ENTPD4: variants seen among roughly 807,000 people sequenced by gnomAD.
ENTPD4 encodes the protein ectonucleoside triphosphate diphosphohydrolase 4.
Under a neutral mutation model 79.1 loss-of-function variants are expected in ENTPD4, and 60 were observed. The observed-to-expected ratio is 0.76, with a 90% CI of 0.62 to 0.94. The LOEUF (loss-of-function observed/expected upper bound fraction) is 0.94. ENTPD4 is among the 40% of genes least tolerant of loss of function. ENTPD4 has a pLI of 0.00. For missense variants in ENTPD4, 772 were observed against 775.1 expected (o/e 1.00, Z 0.05); for synonymous variants, 276 against 292.0 (o/e 0.95, Z 0.56).
chr8:23,437,067 T>A lies in ENTPD4; in HGVS notation c.1241A>T (p.Asn414Ile). 6.2e-7 allele frequency: 1 copy of A among 1,614,146 alleles called. No individual in the cohort carries two copies. Reference protein sequence around the residue: ...NKTNETQTSLNGVYQPPIHFQ... With the variant: ...NKTNETQTSLIGVYQPPIHFQ... Reference sequence around the variant, plus strand: ...GTGAATTGGGGGCTGGTAGACCCCATTGAGGGAAGTCTGGGTCTCGTTTGT... The same window carrying A: ...GTGAATTGGGGGCTGGTAGACCCCAATGAGGGAAGTCTGGGTCTCGTTTGT... The change falls in exon 10 of 13, where the codon AAT becomes ATT. Residue 414 changes from asparagine (N) to isoleucine (I), a missense_variant. Transcript: ENST00000358689.
At chr8:23,442,136 G>T in intron 6 of ENTPD4, 70 bp from the exon 7 acceptor site, 1 of 1,098,296 alleles carries the variant, frequency 9.1e-7, no homozygotes, top group Non-Finnish European at 1.4e-6. Flanking sequence ...TATCTGCGCA[G>T]TCTGTGCAAA....
rs1800438755 is a variant in ENTPD4 at position 23,430,717 on chromosome 8, G to T, written c.*2209C>A. On this transcript the variant is annotated 3_prime_UTR_variant, in exon 13 of 13. Transcript: ENST00000358689. ...ACTCTTCTATGCCCAGAGCTGGAAG[G>T]CGGGGTCCCCTAACTCCCTGGGTGC... 3 of 985,348 alleles carry T rather than the reference G, an allele frequency of 3.0e-6. No homozygotes were observed. The highest frequency in any genetic ancestry group is 3.5e-5 in the African/African-American group (2 of 57,216). The allele number at this position is 985,348 out of a possible 1,614,324, so 61.0% of individuals were successfully genotyped here. A position where few individuals can be genotyped will look rare whatever the true frequency, so the allele number is the denominator to read the frequency against.
chr8:23,446,975 G>C (rs371686432), intron 4 of ENTPD4, among the ~76,000 whole-genome samples: 1 of 152,084 alleles, frequency 6.6e-6, no homozygotes, highest in Non-Finnish European at 1.5e-5. Flanking sequence ...TAAGATCTGT[G>C]GTCAACTGTT....
At chr8:23,451,434 A>G (rs570066324) in intron 1 of ENTPD4, among the ~76,000 whole-genome samples, 3 of 152,134 alleles carry the variant, frequency 2.0e-5, no homozygotes, top group Non-Finnish European at 4.4e-5. Flanking sequence ...TGCTCTAAAG[A>G]GCAGCCTAAC....
intron 10 of ENTPD4, among the ~76,000 whole-genome samples, chr8:23,436,037 G>A (rs1800552250): frequency 6.6e-6 from 1 of 152,200 alleles, no homozygotes; most frequent in South Asian, 2.1e-4. Flanking sequence ...TGAAGACACT[G>A]CTGAGAGGTG....
At position 23,444,533 on chromosome 8, in the gene ENTPD4, C is replaced by T. The variant is rs747648565; in HGVS notation, c.486G>A (p.Glu162=). ...YISPLLNFAA[E]HVPRAKHKET... is the part of the protein sequence containing the mutation. The stretch of plus-strand genomic sequence containing the variant: ...CTTTGTGTTTTGCCCGTGGCACATG[C>T]TCTGCAGCAAAGTTCAAAAGTGGAG... Residue 162 remains glutamate, a synonymous_variant, in exon 5 of 13, where the codon GAG becomes GAA. Transcript: ENST00000358689. 1 of 1,614,062 alleles carries T rather than the reference C, an allele frequency of 6.2e-7. No homozygotes were observed. Among genetic ancestry groups the T allele is most frequent in the African/African-American group, 1.3e-5 (1 of 74,930 alleles).
At position 23,441,612 on chromosome 8, in the gene ENTPD4, GCTAT is replaced by G; in HGVS notation, c.835_838del (p.Ile279ArgfsTer8). On this transcript the variant is annotated frameshift_variant, in exon 8 of 13. Coordinates refer to ENST00000358689, the MANE Select transcript of ENTPD4 (RefSeq NM_004901.5). LOFTEE classifies it high-confidence loss of function. ...GCTTACAGTTTTGGGGACTTCGTAC[GCTAT>G]CTGAGTCGACACGCCGCCCATGTCG... 6 of 1,614,184 alleles carry G rather than the reference GCTAT, an allele frequency of 3.7e-6. No individual in the cohort carries two copies. The highest frequency in any genetic ancestry group is 5.1e-6 in the Non-Finnish European group (6 of 1,180,040).
chr8:23,436,217 C>T lies in ENTPD4; in HGVS notation c.1374+717G>A, dbSNP rs139839515. Among the ~76,000 whole-genome samples, 414 of 152,242 alleles carry T rather than the reference C, an allele frequency of 2.7e-3. 1 individual carries two copies. Among genetic ancestry groups the T allele is most frequent in the African/African-American group, 9.6e-3 (399 of 41,530 alleles). ...TTACAGCATACAGTGCTCTGCGCTT[C>T]GAGATGGGTTTGAGAAATACTTGGA... On this transcript the variant is annotated intron_variant, in intron 10 of 12. Transcript: ENST00000358689.
In ENTPD4 at chr8:23,435,297, G is replaced by A. The variant is rs1800536456; in HGVS notation, c.1460+95C>T. ...AGATGGGAAGAACAGTGAGTGAGAAGAAGCTGGACTGAGGCCAGGGTGTGG... is the reference window on the plus strand; with the variant it reads ...AGATGGGAAGAACAGTGAGTGAGAAAAAGCTGGACTGAGGCCAGGGTGTGG... On this transcript the variant is annotated intron_variant, in intron 11 of 12. Transcript: ENST00000358689. The A allele has an allele frequency of 5.2e-6, 4 of 767,228 alleles. No homozygotes were observed. The African/African-American group carries it at 7.0e-5, about 13-fold the overall frequency. The allele number at this position is 767,228 out of a possible 1,614,324, so 47.5% of individuals were successfully genotyped here. A position where few individuals can be genotyped will look rare whatever the true frequency, so the allele number is the denominator to read the frequency against.
chr8:23,434,247 A>G, intron 12 of ENTPD4, 70 bp downstream of exon 12: 2 of 1,578,094 alleles, frequency 1.3e-6, no homozygotes, highest in Non-Finnish European at 1.7e-6. Context: ...CACAGACCAC[A>G]GCTGCCATGA....
chr8:23,436,962 T>C lies in ENTPD4; in HGVS notation c.1346A>G (p.Asn449Ser). Residue 449 changes from asparagine to serine, a missense_variant, in exon 10 of 13, where the codon AAT becomes AGT. Coordinates refer to ENST00000358689, the MANE Select transcript of ENTPD4 (RefSeq NM_004901.5). ...EDVLRMGGDY[N>S]AAKFTKAAKD... ...TGCAGCTTTAGTAAATTTAGCAGCA[T>C]TGTAGTCTCCCCCCATTCGTAACAC... 3.1e-6 allele frequency: 5 copies of C among 1,607,622 alleles called. No homozygotes were observed. The highest frequency in any genetic ancestry group is 1.1e-5 in the South Asian group (1 of 90,152).
At chr8:23,436,913 G>A (rs1439806916) in intron 10 of ENTPD4, 21 bp downstream of exon 10, 1 of 1,550,424 alleles carries the variant, frequency 6.4e-7, no homozygotes, top group Non-Finnish European at 8.7e-7. Context: ...ATGCAGAGCA[G>A]ACGGCGTCTC....
At chr8:23,440,491 T>C (rs1173963369) in intron 8 of ENTPD4, among the ~76,000 whole-genome samples, 2 of 152,238 alleles carry the variant, frequency 1.3e-5, no homozygotes, top group African/African-American at 4.8e-5. Context: ...TTTTTAATCT[T>C]GATTTTTCAG....
Position 23,449,003 on chromosome 8 carries a change from T to C in ENTPD4, c.9-64A>G, listed in dbSNP as rs1000373777. 22 of 1,339,978 alleles carry C rather than the reference T, an allele frequency of 1.6e-5. No individual in the cohort carries two copies. In the African/African-American group the frequency reaches 2.9e-4, roughly 18 times the overall value. The allele number at this position is 1,339,978 out of a possible 1,614,324, so 83.0% of individuals were successfully genotyped here. ...CCAATGAGGCTTCCTTCACCTAAAG[T>C]GATCCTAAAATAAGATATTTGGCTT... On this transcript the variant is annotated intron_variant, in intron 2 of 12. Transcript: ENST00000358689.
chr8:23,431,346 T>A lies in ENTPD4; in HGVS notation c.*1580A>T, dbSNP rs1185354134. 9.1e-6 allele frequency: 9 copies of A among 985,272 alleles called. No individual in the cohort carries two copies. The highest frequency in any genetic ancestry group is 1.1e-5 in the Non-Finnish European group (9 of 829,920). 61.0% of individuals were successfully genotyped at this position (985,272 alleles called of 1,614,324 possible). ...CTGCTACCAACTACAGGAATTTAACTGTTCTGGAGTTAGGGAACAGCACAC... is the reference window on the plus strand; with the variant it reads ...CTGCTACCAACTACAGGAATTTAACAGTTCTGGAGTTAGGGAACAGCACAC... On this transcript the variant is annotated 3_prime_UTR_variant, in exon 13 of 13. Transcript: ENST00000358689.
intron 11 of ENTPD4, among the ~76,000 whole-genome samples, chr8:23,435,130 T>C (rs1237391988): frequency 6.6e-6 from 1 of 152,216 alleles, no homozygotes; most frequent in African/African-American, 2.4e-5. Flanking sequence ...GGCTGGACTC[T>C]GATGTCTGGG....
intron 1 of ENTPD4, among the ~76,000 whole-genome samples, chr8:23,452,336 G>C (rs1800879356): frequency 6.6e-6 from 1 of 152,142 alleles, no homozygotes; most frequent in Non-Finnish European, 1.5e-5. Context: ...CTACACTAGA[G>C]TGACATTTCC....
At chr8:23,446,943 C>A (rs7822769) in intron 4 of ENTPD4, among the ~76,000 whole-genome samples, 76,801 of 152,002 alleles carry the variant, frequency 0.51, 21,709 homozygotes, top group African/African-American at 0.75. Context: ...AGTAAGATGA[C>A]ATAAAAGTGC....
Position 23,437,073 on chromosome 8 carries a change from G to A in ENTPD4, c.1235C>T (p.Ser412Phe). Reference protein sequence around the residue: ...FMNKTNETQTSLNGVYQPPIH... With the variant: ...FMNKTNETQTFLNGVYQPPIH... ...TGGGGGCTGGTAGACCCCATTGAGGGAAGTCTGGGTCTCGTTTGTTTTATT... is the reference window on the plus strand; with the variant it reads ...TGGGGGCTGGTAGACCCCATTGAGGAAAGTCTGGGTCTCGTTTGTTTTATT... Residue 412 changes from serine to phenylalanine, a missense_variant, in exon 10 of 13, where the codon TCC becomes TTC. Transcript: ENST00000358689. The A allele has an allele frequency of 6.2e-7, 1 of 1,614,210 alleles. No homozygotes were observed. Among genetic ancestry groups the A allele is most frequent in the South Asian group, 1.1e-5 (1 of 91,086 alleles).
Sources: allele counts gnomAD v4.1 joint callset (sites outside exome capture counted in the v4.1 genomes callset), GRCh38; gene constraint gnomAD v4.1.1; transcripts MANE v1.5; gene names NCBI Gene and HGNC (gene_info 2026-07-23, HGNC 2026-07-21).